The following LINC00305 variants were observed in gnomAD, a reference collection of about 807,000 sequenced individuals.
LINC00305 encodes the protein long independently transcribed non-coding RNA 305, also known as long intergenic non-protein coding RNA 305.
intron 1 of LINC00305, among the ~76,000 whole-genome samples, chr18:64,135,631 G>C (rs561086264): frequency 2.0e-5 from 3 of 152,244 alleles, no homozygotes; most frequent in Admixed American, 2.0e-4. Flanking sequence ...TGTTGCCCAG[G>C]CTGGAGTGCA....
intron 1 of LINC00305, among the ~76,000 whole-genome samples, chr18:64,131,241 C>T (rs1278450030): frequency 6.6e-6 from 1 of 152,182 alleles, no homozygotes; most frequent in Non-Finnish European, 1.5e-5. Context: ...AACGTTGGAA[C>T]TACATGCTAC....
chr18:64,098,088 C>T, intron 2 of LINC00305: 1 of 435,554 alleles, frequency 2.3e-6, no homozygotes, highest in Admixed American at 2.4e-5. Context: ...AATAAAGGTA[C>T]AGAGGCAAAG....
chr18:64,105,470 A>G (rs2051286097), intron 1 of LINC00305, among the ~76,000 whole-genome samples: 1 of 152,186 alleles, frequency 6.6e-6, no homozygotes, highest in Admixed American at 6.5e-5. Flanking sequence ...AAACAAACAA[A>G]CAAACAAAAA....
At chr18:64,110,504 G>A (rs2051310615) in intron 1 of LINC00305, among the ~76,000 whole-genome samples, 2 of 152,316 alleles carry the variant, frequency 1.3e-5, no homozygotes, top group Non-Finnish European at 2.9e-5. Flanking sequence ...TAGTAGCATA[G>A]AAAGGTAAAT....
At chr18:64,100,033 C>A (rs1475296740) in intron 1 of LINC00305, among the ~76,000 whole-genome samples, 1 of 152,134 alleles carries the variant, frequency 6.6e-6, no homozygotes, top group Non-Finnish European at 1.5e-5. Flanking sequence ...TATAATGCAA[C>A]CCTACTTCGA....
chr18:64,147,988 T>C (rs547176780), intron 1 of LINC00305, among the ~76,000 whole-genome samples: 6 of 151,954 alleles, frequency 3.9e-5, no homozygotes, highest in Non-Finnish European at 8.8e-5. Context: ...TCTGGTAACA[T>C]CATAGGGAAC....
rs545001144 is a variant in LINC00305 at position 64,143,657 on chromosome 18, A to C, written n.314+5118T>G. On this transcript the variant is annotated intron_variant and non_coding_transcript_variant, in intron 1 of 3. Transcript: ENST00000666468. ...ACGTATTATGTATACATATGTATGT[A>C]CACGTATTATGTATACATATGTATG... Among the ~76,000 whole-genome samples the C allele has an allele frequency of 1.1e-3, 168 of 147,240 alleles. 2 individuals are homozygous for C. Among genetic ancestry groups the C allele is most frequent in the African/African-American group, 4.0e-3 (154 of 38,050 alleles).
chr18:64,132,623 G>A (rs2051415032), intron 1 of LINC00305, among the ~76,000 whole-genome samples: 1 of 152,146 alleles, frequency 6.6e-6, no homozygotes, highest in Admixed American at 6.5e-5. Flanking sequence ...CCACTGAGTG[G>A]CAGATTCTGA....
chr18:64,091,354 A>G (rs2051224282), intron 3 of LINC00305, among the ~76,000 whole-genome samples: 1 of 152,190 alleles, frequency 6.6e-6, no homozygotes, highest in South Asian at 2.1e-4. Context: ...CAGTATGCAA[A>G]TGGGGCAGCA....
chr18:64,126,548 A>C (rs868176940), intron 1 of LINC00305, among the ~76,000 whole-genome samples: 1 of 152,240 alleles, frequency 6.6e-6, no homozygotes. Context: ...GTTCACTGAG[A>C]TATAGGATTG....
intron 1 of LINC00305, among the ~76,000 whole-genome samples, chr18:64,123,503 A>G (rs754474819): frequency 2.6e-5 from 4 of 152,056 alleles, no homozygotes; most frequent in Non-Finnish European, 5.9e-5. Flanking sequence ...AAAAAATCAC[A>G]CTGTACCCCT....
chr18:64,080,246 C>G (rs1371073719), exon 4 of LINC00305: 1 of 441,648 alleles, frequency 2.3e-6, no homozygotes, highest in Non-Finnish European at 4.6e-6. Flanking sequence ...GACCTCTGAT[C>G]TCTCCCTAAC....
At chr18:64,121,817 A>G (rs139032447) in intron 1 of LINC00305, among the ~76,000 whole-genome samples, 2 of 152,222 alleles carry the variant, frequency 1.3e-5, no homozygotes, top group Non-Finnish European at 2.9e-5. Flanking sequence ...AACAGTGTAT[A>G]AGAGTTCCCT....
chr18:64,143,423 A>C (rs975002062), intron 1 of LINC00305, among the ~76,000 whole-genome samples: 3 of 149,728 alleles, frequency 2.0e-5, no homozygotes, highest in African/African-American at 7.6e-5. Context: ...ATATATGTGT[A>C]TACCAACAAT....
intron 3 of LINC00305, among the ~76,000 whole-genome samples, chr18:64,087,959 A>C (rs564177245): frequency 1.3e-5 from 2 of 150,248 alleles, no homozygotes; most frequent in African/African-American, 4.9e-5. Flanking sequence ...ACAAACAGAC[A>C]AAAAAAAACA....
chr18:64,103,521 T>A (rs190804749), intron 1 of LINC00305, among the ~76,000 whole-genome samples: 2 of 152,214 alleles, frequency 1.3e-5, no homozygotes, highest in East Asian at 3.8e-4. Flanking sequence ...ATGTGTTTGA[T>A]TTTGATTTCA....
intron 1 of LINC00305, chr18:64,147,460 TTC>T (rs1448616946): frequency 2.6e-5 from 4 of 152,212 alleles, no homozygotes; most frequent in Non-Finnish European, 5.9e-5. Context: ...CTGCTCTATC[TTC>T]TGTTTTTAAC....
At chr18:64,088,059 C>T (rs1423320207) in intron 3 of LINC00305, among the ~76,000 whole-genome samples, 2 of 151,896 alleles carry the variant, frequency 1.3e-5, no homozygotes, top group Admixed American at 1.3e-4. Flanking sequence ...GGAGGCGGAG[C>T]TTGCCGGGAG....
At chr18:64,098,480 C>T in intron 2 of LINC00305, 1 of 414,942 alleles carries the variant, frequency 2.4e-6, no homozygotes, top group Non-Finnish European at 4.7e-6. Context: ...AAGTAACATT[C>T]TAATTTGGGA....
Sources: gnomAD v4.1 joint callset for allele counts (sites outside exome capture counted in the v4.1 genomes callset) on GRCh38, gnomAD v4.1.1 for gene constraint, MANE v1.5 for transcripts, NCBI Gene and HGNC (gene_info 2026-07-23, HGNC 2026-07-21) for gene names.